FBXO48: variants seen among roughly 807,000 people sequenced by gnomAD.
FBXO48 encodes the protein F-box only protein 48.
In FBXO48, 12 loss-of-function variants were observed where a neutral mutation model predicts 14.3. The ratio of observed to expected loss-of-function variants is 0.84; its 90% CI spans 0.54 to 1.36. FBXO48 has a LOEUF of 1.36. Ranked by LOEUF, FBXO48 falls within the 40% of genes most tolerant of loss-of-function variation. The probability of loss-of-function intolerance (pLI) is 0.00; values close to 1 mark genes in which losing one functional copy is unlikely to be tolerated. For missense variants in FBXO48, 177 were observed against 179.1 expected (o/e 0.99, Z 0.07); for synonymous variants, 53 against 61.7 (o/e 0.86, Z 0.66).
rs147232323 is a variant in FBXO48, at chr2:68,461,018, T to C, written c.*3191A>G. ...ACCATATGGAGTGATGGCCATATTA[T>C]AGCAGATTAAGACTGACTGGTGAGG... is the stretch of plus-strand genomic sequence containing the variant. On this transcript the variant is annotated 3_prime_UTR_variant, in exon 4 of 4. Transcript: ENST00000377957. The C allele has an allele frequency of 3.3e-5, 5 of 152,330 alleles. No homozygotes were observed. In the East Asian group the frequency reaches 5.8e-4, roughly 18 times the overall value. The allele number at this position is 152,330 out of a possible 1,614,324, so 9.4% of individuals were successfully genotyped here. A position where few individuals can be genotyped will look rare whatever the true frequency, so the allele number is the denominator to read the frequency against.
chr2:68,465,293 T>A (rs775068123), intron 2 of FBXO48, 115 bp from the exon 3 acceptor site: 7 of 628,938 alleles, frequency 1.1e-5, no homozygotes, highest in Non-Finnish European at 1.9e-5. Context: ...AGCTTCTCAA[T>A]CTGTAAAATG....
Position 68,464,337 on chromosome 2 carries a change from C to G in FBXO48, c.340G>C (p.Val114Leu). The G allele has an allele frequency of 3.1e-6, 5 of 1,613,810 alleles. No homozygotes were observed. The highest frequency in any genetic ancestry group is 3.4e-6 in the Non-Finnish European group (4 of 1,179,954). Residue 114 changes from valine to leucine, a missense_variant, in exon 4 of 4, where the codon GTG becomes CTG. Physicochemically the swap from Val to Leu is conservative, Grantham distance 32. Coordinates refer to ENST00000377957, the MANE Select transcript of FBXO48 (RefSeq NM_001024680.3). ...CTGCCACTTAGCCATTCGTGTTTCA[C>G]TTTACTCTTCTGGTAATTCCTCAGC... ...ILLRNYQKSK[V>L]KHEWLSGRYS...
chr2:68,464,650 A>T (rs1253433743), intron 3 of FBXO48, among the ~76,000 whole-genome samples, 190 bp downstream of exon 3: 1 of 152,204 alleles, frequency 6.6e-6, no homozygotes, highest in East Asian at 1.9e-4. Flanking sequence ...AGGATAAATG[A>T]AAGATAGTGT....
At position 68,460,838 on chromosome 2, in the gene FBXO48, A is replaced by G. The variant is rs143614257; in HGVS notation, c.*3371T>C. 1.4e-4 allele frequency: 21 copies of G among 152,260 alleles called. No homozygotes were observed. Among genetic ancestry groups the G allele is most frequent in the African/African-American group, 5.1e-4 (21 of 41,550 alleles). 9.4% of individuals were successfully genotyped at this position (152,260 alleles called of 1,614,324 possible). The stretch of plus-strand genomic sequence containing the variant: ...GTTAGAGTAGGGAAAGAAAAGTCCA[A>G]GAGACTATAGTTCCAACCCATGGAG... On this transcript the variant is annotated 3_prime_UTR_variant, in exon 4 of 4. Transcript: ENST00000377957.
At position 68,460,373 on chromosome 2, in the gene FBXO48, T is replaced by G. The variant is rs2103846846; in HGVS notation, c.*3836A>C. On this transcript the variant is annotated 3_prime_UTR_variant, in exon 4 of 4. Coordinates refer to ENST00000377957, the MANE Select transcript of FBXO48 (RefSeq NM_001024680.3). Reference sequence around the variant, plus strand: ...ATGATAAAATCAAGTAAGAATTGACTCGGCTGGACTTGGAGAATGATGGAG... The same window carrying G: ...ATGATAAAATCAAGTAAGAATTGACGCGGCTGGACTTGGAGAATGATGGAG... The G allele has an allele frequency of 6.6e-6, 1 of 152,248 alleles. No homozygotes were observed. The highest frequency in any genetic ancestry group is 2.1e-4 in the South Asian group (1 of 4,824). 9.4% of individuals were successfully genotyped at this position (152,248 alleles called of 1,614,324 possible).
Position 68,460,433 on chromosome 2 carries a change from G to A in FBXO48, c.*3776C>T, listed in dbSNP as rs1312592507. 6.6e-6 allele frequency: 1 copy of A among 151,994 alleles called. No individual in the cohort carries two copies. Among genetic ancestry groups the A allele is most frequent in the Non-Finnish European group, 1.5e-5 (1 of 67,984 alleles). 9.4% of individuals were successfully genotyped at this position (151,994 alleles called of 1,614,324 possible). ...ATATGGTGATTTTCTAACAGGACATGCCATTCACTGAGATAGGAACTGGAG... is the reference window on the plus strand; with the variant it reads ...ATATGGTGATTTTCTAACAGGACATACCATTCACTGAGATAGGAACTGGAG... On this transcript the variant is annotated 3_prime_UTR_variant, in exon 4 of 4. Coordinates refer to ENST00000377957, the MANE Select transcript of FBXO48 (RefSeq NM_001024680.3).
In FBXO48 at chr2:68,464,886, C is replaced by G; in HGVS notation, c.260G>C (p.Cys87Ser). The G allele has an allele frequency of 2.5e-6, 4 of 1,613,678 alleles. No individual in the cohort carries two copies. Among genetic ancestry groups the G allele is most frequent in the Non-Finnish European group, 3.4e-6 (4 of 1,180,008 alleles). ...KPHCMTVRAVCRREIDDDLES... is the reference protein window; with the variant it reads ...KPHCMTVRAVSRREIDDDLES... Reference sequence around the variant, plus strand: ...TAGATCATCATCTATTTCTCTTCGGCACACAGCTCTTACAGTCATGCAGTG... The same window carrying G: ...TAGATCATCATCTATTTCTCTTCGGGACACAGCTCTTACAGTCATGCAGTG... Residue 87 changes from cysteine (C) to serine (S), a missense_variant, in exon 3 of 4, where the codon TGC becomes TCC. Coordinates refer to ENST00000377957, the MANE Select transcript of FBXO48 (RefSeq NM_001024680.3).
rs1675288322 is a variant in FBXO48 at position 68,462,405 on chromosome 2, T to C, written c.*1804A>G. 1 of 152,236 alleles carries C rather than the reference T, an allele frequency of 6.6e-6. No homozygotes were observed. Among genetic ancestry groups the C allele is most frequent in the Non-Finnish European group, 1.5e-5 (1 of 68,050 alleles). 9.4% of individuals were successfully genotyped at this position (152,236 alleles called of 1,614,324 possible). A position where few individuals can be genotyped will look rare whatever the true frequency, so the allele number is the denominator to read the frequency against. ...GAAGTTTCACTCTTGTTGCCCAGGC[T>C]GGAGCGCAGTGGCGTGATCTCTGCT... On this transcript the variant is annotated 3_prime_UTR_variant, in exon 4 of 4. Coordinates refer to ENST00000377957, the MANE Select transcript of FBXO48 (RefSeq NM_001024680.3).
chr2:68,464,600 C>G (rs533147628), intron 3 of FBXO48, among the ~76,000 whole-genome samples: 15 of 152,096 alleles, frequency 9.9e-5, no homozygotes, highest in African/African-American at 3.4e-4. Flanking sequence ...TTCTGGTTAA[C>G]GCAGGAAAAT....
Position 68,461,087 on chromosome 2 carries a change from T to C in FBXO48, c.*3122A>G, listed in dbSNP as rs1675250081. On this transcript the variant is annotated 3_prime_UTR_variant, in exon 4 of 4. Transcript: ENST00000377957. ...AGATGTTAATGTAAGCCACAAATAATACATATTTGAAAAATGGGCAACGAA... is the reference window on the plus strand; with the variant it reads ...AGATGTTAATGTAAGCCACAAATAACACATATTTGAAAAATGGGCAACGAA... 6.6e-6 allele frequency: 1 copy of C among 152,070 alleles called. No homozygotes were observed. Among genetic ancestry groups the C allele is most frequent in the African/African-American group, 2.4e-5 (1 of 41,392 alleles). 9.4% of individuals were successfully genotyped at this position (152,070 alleles called of 1,614,324 possible). A position where few individuals can be genotyped will look rare whatever the true frequency, so the allele number is the denominator to read the frequency against.
At chr2:68,465,346 C>T (rs559092666) in intron 2 of FBXO48, among the ~76,000 whole-genome samples, 168 bp from the exon 3 acceptor site, 1 of 152,072 alleles carries the variant, frequency 6.6e-6, no homozygotes, top group East Asian at 1.9e-4. Flanking sequence ...CAAGGATTAA[C>T]AGTGATAGTG....
chr2:68,461,807 C>G lies in FBXO48; in HGVS notation c.*2402G>C, dbSNP rs1322754299. ...GTGGCTCATGCCTATAATCCCAGCA[C>G]TTTAGGAGGCTGAGGCAGGTAGATC... is the stretch of plus-strand genomic sequence containing the variant. On this transcript the variant is annotated 3_prime_UTR_variant, in exon 4 of 4. Transcript: ENST00000377957. 6.6e-6 allele frequency: 1 copy of G among 150,576 alleles called. No individual in the cohort carries two copies. Among genetic ancestry groups the G allele is most frequent in the African/African-American group, 2.4e-5 (1 of 40,964 alleles). The allele number at this position is 150,576 out of a possible 1,614,324, so 9.3% of individuals were successfully genotyped here.
chr2:68,464,984 A>C lies in FBXO48; in HGVS notation c.162T>G (p.Ser54Arg), dbSNP rs1675364694. 4 of 1,613,820 alleles carry C rather than the reference A, an allele frequency of 2.5e-6. No individual in the cohort carries two copies. Among genetic ancestry groups the C allele is most frequent in the Non-Finnish European group, 2.5e-6 (3 of 1,179,996 alleles). The change falls in exon 3 of 4, where the codon AGT becomes AGG. Residue 54 changes from serine to arginine, a missense_variant. Transcript: ENST00000377957. Reference sequence around the variant, plus strand: ...TGCATGTCAATGAAGCCCTGCACAGACTCCGAATGTCCAGCTGACTGAAAA... The same window carrying C: ...TGCATGTCAATGAAGCCCTGCACAGCCTCCGAATGTCCAGCTGACTGAAAA... Reference protein sequence around the residue: ...FKIFSQLDIRSLCRASLTCRS... With the variant: ...FKIFSQLDIRRLCRASLTCRS...
intron 1 of FBXO48, among the ~76,000 whole-genome samples, chr2:68,466,929 C>T (rs962263278): frequency 6.6e-6 from 1 of 152,172 alleles, no homozygotes; most frequent in African/African-American, 2.4e-5. Flanking sequence ...AGGGATAGAT[C>T]GGCGGCAGCG....
rs1675242824 is a variant in FBXO48 at position 68,460,818 on chromosome 2, A to C, written c.*3391T>G. The stretch of plus-strand genomic sequence containing the variant: ...GGAGGAAACTGAGAAGACGGGTTAG[A>C]GTAGGGAAAGAAAAGTCCAAGAGAC... On this transcript the variant is annotated 3_prime_UTR_variant, in exon 4 of 4. Transcript: ENST00000377957. 6.6e-6 allele frequency: 1 copy of C among 152,228 alleles called. No individual in the cohort carries two copies. The highest frequency in any genetic ancestry group is 1.5e-5 in the Non-Finnish European group (1 of 68,064). The allele number at this position is 152,228 out of a possible 1,614,324, so 9.4% of individuals were successfully genotyped here.
intron 2 of FBXO48, among the ~76,000 whole-genome samples, chr2:68,465,809 C>A (rs1675394055): frequency 6.6e-6 from 1 of 152,188 alleles, no homozygotes; most frequent in South Asian, 2.1e-4. Context: ...CATAAACTTG[C>A]TGGACTTCTA....
rs1675417106 is a variant in FBXO48, at chr2:68,466,483, TAGG to T, written c.-360-16_-360-14del. The T allele has an allele frequency of 6.6e-6, 1 of 152,264 alleles. No individual in the cohort carries two copies. Among genetic ancestry groups the T allele is most frequent in the East Asian group, 1.9e-4 (1 of 5,182 alleles). The allele number at this position is 152,264 out of a possible 1,614,324, so 9.4% of individuals were successfully genotyped here. On this transcript the variant is annotated splice_polypyrimidine_tract_variant and intron_variant, in intron 1 of 3. Transcript: ENST00000377957. Reference sequence around the variant, plus strand: ...CAACAGAGGTCTTCTTCTTGAGGGTTAGGAGAAGTAAGAAAGCAAACGTAAAAA... The same window carrying T: ...CAACAGAGGTCTTCTTCTTGAGGGTTAGAAGTAAGAAAGCAAACGTAAAAA...
At chr2:68,465,349 T>C (rs1675374420) in intron 2 of FBXO48, among the ~76,000 whole-genome samples, 171 bp from the exon 3 acceptor site, 1 of 151,948 alleles carries the variant, frequency 6.6e-6, no homozygotes, top group South Asian at 2.1e-4. Context: ...GGATTAACAG[T>C]GATAGTGGGT....
In FBXO48 at chr2:68,464,942, T is replaced by C. The variant is rs557893848; in HGVS notation, c.204A>G (p.Thr68=). The C allele has an allele frequency of 7.6e-5, 123 of 1,614,028 alleles. No individual in the cohort carries two copies. Among genetic ancestry groups the C allele is most frequent in the Admixed American group, 1.2e-4 (7 of 60,030 alleles). The part of the protein sequence containing the change: ...ASLTCRSWND[T]IRNSDSLWKP... The stretch of plus-strand genomic sequence containing the variant: ...TCCATAAAGAGTCACTGTTTCTTAT[T>C]GTGTCATTCCAGCTCCTGCATGTCA... The change falls in exon 3 of 4, where the codon ACA becomes ACG. Residue 68 remains threonine (T), a synonymous_variant. Coordinates refer to ENST00000377957, the MANE Select transcript of FBXO48 (RefSeq NM_001024680.3).
Sources: gnomAD v4.1 joint callset for allele counts (sites outside exome capture counted in the v4.1 genomes callset) on GRCh38, gnomAD v4.1.1 for gene constraint, MANE v1.5 for transcripts, NCBI Gene and HGNC (gene_info 2026-07-23, HGNC 2026-07-21) for gene names.